HIBCH: variants seen among roughly 807,000 people sequenced by gnomAD.
The protein encoded by HIBCH is 3-hydroxyisobutyryl-CoA hydrolase.
A neutral mutation model predicts 58.2 loss-of-function variants in HIBCH; 50 were observed. That is an observed-to-expected ratio of 0.86 (90% CI 0.68 to 1.09). HIBCH has a LOEUF of 1.09. Among genes scored for constraint, HIBCH ranks in the 50% least tolerant of loss-of-function variants. The pLI is 0.00. For missense variants in HIBCH, 450 were observed against 449.7 expected, an observed-to-expected ratio of 1.00 and a Z score of -0.01; for synonymous variants, 151 against 146.9, an observed-to-expected ratio of 1.03 and a Z score of -0.20.
chr2:190,267,542 T>G (rs375971358), intron 6 of HIBCH, among the ~76,000 whole-genome samples: 2 of 152,068 alleles, frequency 1.3e-5, no homozygotes, highest in African/African-American at 4.8e-5. Context: ...ACCAGTAGAG[T>G]TATTTCAGAT....
Position 190,258,427 on chromosome 2 carries a change from T to C in HIBCH, c.517+2729A>G, listed in dbSNP as rs188257114. ...GCATTGCTATAAAGATACCTGGAAATGTAGAAGTGACTTGGGAACTAGGCA... is the reference window on the plus strand; with the variant it reads ...GCATTGCTATAAAGATACCTGGAAACGTAGAAGTGACTTGGGAACTAGGCA... On this transcript the variant is annotated intron_variant, in intron 7 of 13. Transcript: ENST00000359678. Among the ~76,000 whole-genome samples the C allele has an allele frequency of 4.0e-3, 613 of 152,290 alleles. 18 individuals carry two copies. The highest frequency in any genetic ancestry group is 0.038 in the Admixed American group (580 of 15,292).
intron 6 of HIBCH, among the ~76,000 whole-genome samples, chr2:190,278,164 G>A (rs1484942654): frequency 6.6e-6 from 1 of 151,828 alleles, no homozygotes; most frequent in Non-Finnish European, 1.5e-5. Flanking sequence ...GCAAATTCTT[G>A]GGCCAAATTC....
intron 11 of HIBCH, among the ~76,000 whole-genome samples, chr2:190,241,712 T>C (rs1686459802): frequency 6.6e-6 from 1 of 152,188 alleles, no homozygotes; most frequent in Non-Finnish European, 1.5e-5. Flanking sequence ...CCTTTCTCCT[T>C]CACTTATGAA....
intron 6 of HIBCH, among the ~76,000 whole-genome samples, chr2:190,286,126 G>A (rs1687821942): frequency 6.6e-6 from 1 of 152,126 alleles, no homozygotes. Context: ...ACAGGCATCA[G>A]CCACGACACC....
At position 190,238,041 on chromosome 2, in the gene HIBCH, T is replaced by A. The variant is rs532595464; in HGVS notation, c.891+6846A>T. Among the ~76,000 whole-genome samples, 29 of 152,354 alleles carry A rather than the reference T, an allele frequency of 1.9e-4. No individual in the cohort carries two copies. In the East Asian group the frequency reaches 3.5e-3, roughly 18 times the overall value. On this transcript the variant is annotated intron_variant, in intron 11 of 13. Coordinates refer to ENST00000359678, the MANE Select transcript of HIBCH (RefSeq NM_014362.4). ...GCTGCATGGTATTCCATGGCGTATATATGCCACATTTTCTTTATCCAGTCT... is the reference window on the plus strand; with the variant it reads ...GCTGCATGGTATTCCATGGCGTATAAATGCCACATTTTCTTTATCCAGTCT...
chr2:190,280,448 C>A (rs1237114423), intron 6 of HIBCH, among the ~76,000 whole-genome samples: 1 of 152,172 alleles, frequency 6.6e-6, no homozygotes, highest in Non-Finnish European at 1.5e-5. Context: ...CCTAAAATAA[C>A]TGGTCGCAGC....
rs1687710772 is a variant in HIBCH at position 190,281,796 on chromosome 2, G to T, written c.438+5790C>A. 6.6e-6 allele frequency among the ~76,000 whole-genome samples: 1 copy of T among 152,180 alleles called. No homozygotes were observed. The highest frequency in any genetic ancestry group is 2.1e-4 in the South Asian group (1 of 4,832). ...CATGCAGCAGCCTGAATGCTTTGCGGATTAGATAGATCTTCTTCCAGGCAT... is the reference window on the plus strand; with the variant it reads ...CATGCAGCAGCCTGAATGCTTTGCGTATTAGATAGATCTTCTTCCAGGCAT... On this transcript the variant is annotated intron_variant, in intron 6 of 13. Coordinates refer to ENST00000359678, the MANE Select transcript of HIBCH (RefSeq NM_014362.4). This position sits in a 1 kb window ranked among gnomAD's most constrained non-coding sequence, Gnocchi z 5.4.
At chr2:190,198,937 T>C (rs1346604566), downstream of HIBCH, among the ~76,000 whole-genome samples, 2 of 152,156 alleles carry the variant, frequency 1.3e-5, no homozygotes, top group East Asian at 3.9e-4. Context: ...GAATGAGACA[T>C]TTAGGAGGAA....
In HIBCH at chr2:190,310,808, G is replaced by T; in HGVS notation, c.36-12C>A. 1.3e-6 allele frequency: 2 copies of T among 1,590,176 alleles called. No individual in the cohort carries two copies. Among genetic ancestry groups the T allele is most frequent in the Non-Finnish European group, 1.7e-6 (2 of 1,158,262 alleles). The stretch of plus-strand genomic sequence containing the variant: ...TGAATGCATTAAACCTGAAACAAAT[G>T]TGGAAAACAATGAGAACAGTAATGT... On this transcript the variant is annotated splice_polypyrimidine_tract_variant and intron_variant, in intron 1 of 13. Coordinates refer to ENST00000359678, the MANE Select transcript of HIBCH (RefSeq NM_014362.4).
intron 1 of HIBCH, among the ~76,000 whole-genome samples, chr2:190,190,980 T>C (rs886211783): frequency 3.3e-5 from 5 of 152,110 alleles, no homozygotes; most frequent in African/African-American, 1.2e-4. Flanking sequence ...TCTGTCCCTA[T>C]AGTTTTGCCT....
intron 11 of HIBCH, among the ~76,000 whole-genome samples, chr2:190,233,752 G>A (rs887347309): frequency 3.9e-5 from 6 of 152,178 alleles, no homozygotes; most frequent in Non-Finnish European, 8.8e-5. Context: ...CCACATGGAC[G>A]ATAAATATAT....
rs1685538112 is a variant in HIBCH at position 190,216,450 on chromosome 2, G to T, written c.892-3375C>A. The stretch of plus-strand genomic sequence containing the variant: ...GCAGCTGTCAGTAAGGCTGCAGAAG[G>T]TCTGGGGGGCTATATAAGTTAGATC... On this transcript the variant is annotated intron_variant, in intron 11 of 13. Coordinates refer to ENST00000359678, the MANE Select transcript of HIBCH (RefSeq NM_014362.4). This position sits in a 1 kb window ranked among gnomAD's most constrained non-coding sequence, Gnocchi z 4.2. Among the ~76,000 whole-genome samples, 1 of 152,166 alleles carries T rather than the reference G, an allele frequency of 6.6e-6. No homozygotes were observed. The highest frequency in any genetic ancestry group is 1.5e-5 in the Non-Finnish European group (1 of 68,040).
intron 11 of HIBCH, among the ~76,000 whole-genome samples, chr2:190,230,306 AGT>A (rs1342525602): frequency 1.3e-5 from 2 of 152,256 alleles, no homozygotes; most frequent in Non-Finnish European, 1.5e-5. Context: ...AAAAAACAGT[AGT>A]AGTAAAAAAG....
At position 190,288,984 on chromosome 2, in the gene HIBCH, G is replaced by A. The variant is rs556952255; in HGVS notation, c.386-1346C>T. 3.4e-4 allele frequency among the ~76,000 whole-genome samples: 52 copies of A among 152,204 alleles called. No individual in the cohort carries two copies. In the South Asian group the frequency reaches 4.1e-3, roughly 12 times the overall value. On this transcript the variant is annotated intron_variant, in intron 5 of 13. Coordinates refer to ENST00000359678, the MANE Select transcript of HIBCH (RefSeq NM_014362.4). ...AAATTAGCAGGGTGTGGTGGTGCAT[G>A]CCTGTAATCCCAGCTACTCAGGTGG...
chr2:190,194,385 A>AT (rs1293877783), intron 1 of HIBCH, among the ~76,000 whole-genome samples: 1 of 151,578 alleles, frequency 6.6e-6, no homozygotes, highest in African/African-American at 2.4e-5. Flanking sequence ...TAGTGGGTGT[A>AT]TTTTTTAAAA....
In HIBCH at chr2:190,204,771, A is replaced by G. The variant is rs1442776958; in HGVS notation, c.*346T>C. 4.0e-6 allele frequency: 1 copy of G among 248,520 alleles called. No homozygotes were observed. The highest frequency in any genetic ancestry group is 7.9e-6 in the Non-Finnish European group (1 of 127,218). 15.4% of individuals were successfully genotyped at this position (248,520 alleles called of 1,614,324 possible). On this transcript the variant is annotated 3_prime_UTR_variant, in exon 14 of 14. Coordinates refer to ENST00000359678, the MANE Select transcript of HIBCH (RefSeq NM_014362.4). ...TCTCCAAAGATCTTCACATTTTTCC[A>G]TCTTCTAAAACAAGGATTGACAAAC...
In HIBCH at chr2:190,213,053, G is replaced by T; in HGVS notation, c.914C>A (p.Thr305Lys). 6.2e-7 allele frequency: 1 copy of T among 1,608,032 alleles called. No individual in the cohort carries two copies. The highest frequency in any genetic ancestry group is 8.5e-7 in the Non-Finnish European group (1 of 1,174,752). ...QLKVINKMSPTSLKITLRQLM... is the reference protein window; with the variant it reads ...QLKVINKMSPKSLKITLRQLM... ...TTGCCTTAGTGTGATCTTTAGAGAT[G>T]TTGGAGACATTTTATTAATTACCTT... The change falls in exon 12 of 14, where the codon ACA becomes AAA. Residue 305 changes from threonine (T) to lysine (K), a missense_variant. Coordinates refer to ENST00000359678, the MANE Select transcript of HIBCH (RefSeq NM_014362.4).
At chr2:190,265,238 T>G (rs1687200737) in intron 6 of HIBCH, among the ~76,000 whole-genome samples, 1 of 152,108 alleles carries the variant, frequency 6.6e-6, no homozygotes, top group African/African-American at 2.4e-5. Flanking sequence ...TATATGAGTT[T>G]GCTGTTTCTA....
chr2:190,294,499 T>C (rs1473897727), intron 4 of HIBCH, 47 bp downstream of exon 4: 1 of 1,204,858 alleles, frequency 8.3e-7, no homozygotes, highest in Non-Finnish European at 1.2e-6. Flanking sequence ...ACTTGATCAG[T>C]TCTAGTAGGG....
Sources: allele counts gnomAD v4.1 joint callset (sites outside exome capture counted in the v4.1 genomes callset), GRCh38; gene constraint gnomAD v4.1.1; non-coding constraint Gnocchi (gnomAD v3.1); transcripts MANE v1.5; gene names NCBI Gene and HGNC (gene_info 2026-07-23, HGNC 2026-07-21).